Variants in ANAPC7 observed in about 807,000 individuals in gnomAD.
ANAPC7 encodes the protein anaphase promoting complex subunit 7, also known as anaphase-promoting complex subunit 7.
ANAPC7 carries 25 observed loss-of-function variants against 63.3 expected under a neutral mutation model. The observed-to-expected ratio is 0.39, with a 90% confidence interval of 0.29 to 0.55. The LOEUF is 0.55. Among genes scored for constraint, ANAPC7 ranks in the 20% least tolerant of loss-of-function variants. The pLI is 0.57. For synonymous variants in ANAPC7, 241 were observed against 251.7 expected, an observed-to-expected ratio of 0.96 and a Z score of 0.40; for missense variants, 516 against 691.7, an observed-to-expected ratio of 0.75 and a Z score of 2.85.
At position 110,387,729 on chromosome 12, in the gene ANAPC7, T is replaced by C; in HGVS notation, c.674+10A>G. ...CCTCAAGAACACTGAATTAACTTTG[T>C]GGCTCTCACCAGATGGTACTGATTG... On this transcript the variant is annotated intron_variant, in intron 5 of 10. Coordinates refer to ENST00000455511, the MANE Select transcript of ANAPC7 (RefSeq NM_016238.3). 9 of 1,597,044 alleles carry C rather than the reference T, an allele frequency of 5.6e-6. No homozygotes were observed. Among genetic ancestry groups the C allele is most frequent in the Non-Finnish European group, 7.7e-6 (9 of 1,166,528 alleles).
chr12:110,403,663 C>A lies in ANAPC7; in HGVS notation c.-36G>T, dbSNP rs762082179. The A allele has an allele frequency of 1.1e-5, 18 of 1,565,884 alleles. No individual in the cohort carries two copies. Among genetic ancestry groups the A allele is most frequent in the Non-Finnish European group, 1.3e-5 (15 of 1,154,634 alleles). On this transcript the variant is annotated 5_prime_UTR_variant, in exon 1 of 11. Transcript: ENST00000455511. ...AAAGCCGCGGGCAGCGGCGGCAGCA[C>A]TGACTCGAAAAGCCGGTAGAGGATC... is the stretch of plus-strand genomic sequence containing the variant.
intron 7 of ANAPC7, among the ~76,000 whole-genome samples, chr12:110,382,455 AAAAAAAATATATATATAT>A (rs1479692950): frequency 2.7e-4 from 19 of 70,468 alleles, no homozygotes; most frequent in African/African-American, 4.3e-4. Context: ...AAAAAAAAAA[AAAAAAAATATATATATAT>A]ATATATATAT....
Position 110,396,296 on chromosome 12 carries a change from A to C in ANAPC7, c.258T>G (p.Thr86=), listed in dbSNP as rs1478123731. 1 of 1,612,746 alleles carries C rather than the reference A, an allele frequency of 6.2e-7. No homozygotes were observed. Among genetic ancestry groups the C allele is most frequent in the Non-Finnish European group, 8.5e-7 (1 of 1,179,628 alleles). Residue 86 remains threonine, a synonymous_variant, in exon 2 of 11, where the codon ACT becomes ACG. Coordinates refer to ENST00000455511, the MANE Select transcript of ANAPC7 (RefSeq NM_016238.3). ...LSKTSKVRPS[T]GNSASTPQSQ... Reference sequence around the variant, plus strand: ...TTTGTGGAGTAGATGCAGAATTTCCAGTTGAAGGTCTCACTTTTGAAGTTT... The same window carrying C: ...TTTGTGGAGTAGATGCAGAATTTCCCGTTGAAGGTCTCACTTTTGAAGTTT...
At chr12:110,393,867 C>CAAAAAA in intron 3 of ANAPC7, among the ~76,000 whole-genome samples, 1 of 37,320 alleles carries the variant, frequency 2.7e-5, no homozygotes, top group Non-Finnish European at 5.6e-5. Context: ...AACTCCCTCT[C>CAAAAAA]AAAAAAAAAA....
rs569096874 is a variant in ANAPC7 at position 110,385,330 on chromosome 12, T to C, written c.817+997A>G. Among the ~76,000 whole-genome samples the C allele has an allele frequency of 3.3e-5, 5 of 152,248 alleles. 1 individual carries two copies. In the South Asian group the frequency reaches 8.3e-4, roughly 25 times the overall value. ...CCGCTTTATTCTCACCCACATTCTA[T>C]AAAAAGGGACCTATGCTCACTGTTA... is the stretch of plus-strand genomic sequence containing the variant. On this transcript the variant is annotated intron_variant, in intron 6 of 10. Coordinates refer to ENST00000455511, the MANE Select transcript of ANAPC7 (RefSeq NM_016238.3).
In ANAPC7 at chr12:110,387,797, T is replaced by C. The variant is rs1050712353; in HGVS notation, c.616A>G (p.Ile206Val). ...GTGTGCACAAAAGCATACGCTTTGA[T>C]CCACACAGAGAGCCAGTCCAAGTTA... ...VPNLDWLSVW[I>V]KAYAFVHTGD... The change falls in exon 5 of 11, where the codon ATC (isoleucine) becomes GTC (valine). Residue 206 changes from isoleucine (I) to valine (V), a missense_variant. Around this residue, in one of 4 missense-constraint regions of ANAPC7, gnomAD observed 199 missense variants for 249.3 expected, o/e 0.80. Transcript: ENST00000455511. 1.2e-6 allele frequency: 2 copies of C among 1,614,062 alleles called. No homozygotes were observed. The highest frequency in any genetic ancestry group is 1.7e-6 in the Non-Finnish European group (2 of 1,180,040).
In ANAPC7 at chr12:110,381,858, C is replaced by G. The variant is rs954976927; in HGVS notation, c.1026G>C (p.Leu342=). The change falls in exon 8 of 11, where the codon CTG becomes CTC. Residue 342 remains leucine, a synonymous_variant. Transcript: ENST00000455511. Reference sequence around the variant, plus strand: ...TCCTAAGTGCTGCTCCCTTAAGTAGCAGAGCTTGAACACTATTACTGTTCA... The same window carrying G: ...TCCTAAGTGCTGCTCCCTTAAGTAGGAGAGCTTGAACACTATTACTGTTCA... ...IQLNSNSVQA[L]LLKGAALRNM... 1 of 1,607,180 alleles carries G rather than the reference C, an allele frequency of 6.2e-7. No homozygotes were observed. The highest frequency in any genetic ancestry group is 8.5e-7 in the Non-Finnish European group (1 of 1,177,004).
rs961231028 is a variant in ANAPC7, at chr12:110,374,249, C to A, written c.1593G>T (p.Glu531Asp). The change falls in exon 11 of 11, where the codon GAG becomes GAT. Residue 531 changes from glutamate (E) to aspartate (D), a missense_variant. Coordinates refer to ENST00000455511, the MANE Select transcript of ANAPC7 (RefSeq NM_016238.3). ...EESPTDATQE[E>D]DVDDMEGSGE... ...CACTCCCTTCCATGTCGTCCACATC[C>A]TCCTCCTGAGTGGCATCCGTGGGAC... 5.0e-6 allele frequency: 8 copies of A among 1,614,046 alleles called. No individual in the cohort carries two copies. Among genetic ancestry groups the A allele is most frequent in the Non-Finnish European group, 6.8e-6 (8 of 1,180,038 alleles).
chr12:110,400,611 G>A (rs148432234), intron 1 of ANAPC7, among the ~76,000 whole-genome samples: 103 of 152,232 alleles, frequency 6.8e-4, no homozygotes, highest in African/African-American at 2.3e-3. Flanking sequence ...ATCTCCAAAC[G>A]TGGAAACTGT....
At chr12:110,376,255 A>G (rs772119984) in intron 9 of ANAPC7, 39 bp from the exon 10 acceptor site, 1 of 1,606,132 alleles carries the variant, frequency 6.2e-7, no homozygotes, top group African/African-American at 1.3e-5. Flanking sequence ...AGTCATGTAC[A>G]AAAAAACCAC....
At chr12:110,387,619 G>C in intron 5 of ANAPC7, 120 bp downstream of exon 5, 1 of 1,203,506 alleles carries the variant, frequency 8.3e-7, no homozygotes, top group South Asian at 1.5e-5. Context: ...ACACATCCCA[G>C]AGACTGGCTG....
At chr12:110,400,778 G>A (rs1419085633) in intron 1 of ANAPC7, among the ~76,000 whole-genome samples, 1 of 152,030 alleles carries the variant, frequency 6.6e-6, no homozygotes, top group Non-Finnish European at 1.5e-5. Context: ...GGGCTCGGTG[G>A]CTCACGCCTG....
At chr12:110,378,671 G>A (rs1881528506) in intron 8 of ANAPC7, 1 of 152,050 alleles carries the variant, frequency 6.6e-6, no homozygotes, top group Admixed American at 6.6e-5. Flanking sequence ...GTAAGTTGAG[G>A]AGAACAGAGG....
intron 9 of ANAPC7, 38 bp downstream of exon 9, chr12:110,377,355 A>C (rs946897308): frequency 3.2e-6 from 5 of 1,577,676 alleles, no homozygotes; most frequent in African/African-American, 1.4e-5. Context: ...TTTTATAAAA[A>C]TTAATGATGA....
rs1422543878 is a variant in ANAPC7, at chr12:110,374,031, T to A, written c.*113A>T. On this transcript the variant is annotated 3_prime_UTR_variant, in exon 11 of 11. Transcript: ENST00000455511. ...GGAGCGAGGGGGCAGAGACCCCTGC[T>A]GCAATCACATGCTGAATCATTGTCC... 5.6e-6 allele frequency: 7 copies of A among 1,257,490 alleles called. No homozygotes were observed. The East Asian group carries it at 1.7e-4, about 31-fold the overall frequency. 77.9% of individuals were successfully genotyped at this position (1,257,490 alleles called of 1,614,324 possible).
chr12:110,397,754 G>C (rs570739347), intron 1 of ANAPC7, among the ~76,000 whole-genome samples: 3 of 151,982 alleles, frequency 2.0e-5, no homozygotes, highest in African/African-American at 4.8e-5. Context: ...AATTAGACGG[G>C]TGTGGTGGCG....
intron 1 of ANAPC7, among the ~76,000 whole-genome samples, chr12:110,401,389 T>G (rs1256401795): frequency 6.6e-6 from 1 of 152,156 alleles, no homozygotes; most frequent in Non-Finnish European, 1.5e-5. Flanking sequence ...GAGTGCTTAT[T>G]GCGCACAGCC....
chr12:110,400,713 G>A (rs1003098056), intron 1 of ANAPC7, among the ~76,000 whole-genome samples: 2 of 152,020 alleles, frequency 1.3e-5, no homozygotes, highest in South Asian at 4.2e-4. Context: ...ACATGAAGTG[G>A]ATGGTGGCAA....
chr12:110,401,209 T>C (rs2062222930), intron 1 of ANAPC7, among the ~76,000 whole-genome samples: 5 of 152,208 alleles, frequency 3.3e-5, no homozygotes, highest in Admixed American at 2.0e-4. Flanking sequence ...GTTTCCATTA[T>C]AACGCCATTT....
Sources: gnomAD v4.1 joint callset for allele counts (sites outside exome capture counted in the v4.1 genomes callset) on GRCh38, gnomAD v4.1.1 for gene constraint, gnomAD v4.1.1 regional missense constraint, MANE v1.5 for transcripts, NCBI Gene and HGNC (gene_info 2026-07-23, HGNC 2026-07-21) for gene names.